Variants in KCNQ2 observed in about 807,000 individuals in gnomAD.
The protein encoded by KCNQ2 is potassium voltage-gated channel subfamily Q member 2.
Under a neutral mutation model 84.8 loss-of-function variants are expected in KCNQ2, and 14 were observed. The ratio of observed to expected loss-of-function variants is 0.17; its 90% CI spans 0.11 to 0.26. The LOEUF (loss-of-function observed/expected upper bound fraction) is 0.26. Among genes scored for constraint, KCNQ2 ranks in the 10% least tolerant of loss-of-function variants. The pLI is 1.00. For missense variants in KCNQ2, 788 were observed against 1,254.0 expected, an observed-to-expected ratio of 0.63 and a Z score of 5.61; for synonymous variants, 599 against 554.1, an observed-to-expected ratio of 1.08 and a Z score of -1.14.
rs1333974630 is a variant in KCNQ2, at chr20:63,431,943, C to G, written c.1119-574G>C. 7.0e-4 allele frequency among the ~76,000 whole-genome samples: 106 copies of G among 150,744 alleles called. 1 individual carries two copies. The highest frequency in any genetic ancestry group is 2.5e-3 in the African/African-American group (104 of 41,002). On this transcript the variant is annotated intron_variant, in intron 8 of 16. Transcript: ENST00000359125. ...CCCCACCCTCAGGGAAGGCTCCACC[C>G]TCAGGGTAGGATCCACCCACAGGGA... is the stretch of plus-strand genomic sequence containing the variant.
rs765856560 is a variant in KCNQ2 at position 63,446,405 on chromosome 20, G to A, written c.387+342C>T. Among the ~76,000 whole-genome samples, 12 of 152,204 alleles carry A rather than the reference G, an allele frequency of 7.9e-5. No homozygotes were observed. The highest frequency in any genetic ancestry group is 1.2e-4 in the Non-Finnish European group (8 of 68,024). On this transcript the variant is annotated intron_variant, in intron 2 of 16. Transcript: ENST00000359125. The surrounding 1 kb of genome is among the most constrained non-coding windows in gnomAD (Gnocchi z 5.5). ...CCCCACCCCGACGCCCACGTCTGCC[G>A]TCTGCTGGGGACGCCCCACATCTCC...
chr20:63,424,873 T>G (rs1446853090), intron 10 of KCNQ2, among the ~76,000 whole-genome samples: 1 of 152,214 alleles, frequency 6.6e-6, no homozygotes, highest in Non-Finnish European at 1.5e-5. Context: ...CCCAGCGATC[T>G]CATTCGAACA....
intron 4 of KCNQ2, among the ~76,000 whole-genome samples, chr20:63,442,876 T>G (rs199772505): frequency 2.8e-4 from 1 of 3,626 alleles, no homozygotes; most frequent in Non-Finnish European, 5.1e-4. Context: ...CCATCACCAT[T>G]ATCACCACCA....
chr20:63,444,563 T>C, intron 4 of KCNQ2, 96 bp downstream of exon 4: 1 of 1,091,354 alleles, frequency 9.2e-7, no homozygotes, highest in Non-Finnish European at 1.2e-6. Context: ...CACCCAGGGC[T>C]CTTGAAGCAA....
In KCNQ2 at chr20:63,409,768, T is replaced by G. The variant is rs933082443; in HGVS notation, c.1764-1232A>C. On this transcript the variant is annotated intron_variant, in intron 15 of 16. Coordinates refer to ENST00000359125, the MANE Select transcript of KCNQ2 (RefSeq NM_172107.4). ...TGGTGGGGGAGGGACTTCCTGCCAC[T>G]GGGCTGCCCTACCTGCCTCTGATGG... Among the ~76,000 whole-genome samples, 434 of 144,494 alleles carry G rather than the reference T, an allele frequency of 3.0e-3. 3 individuals are homozygous for G. Among genetic ancestry groups the G allele is most frequent in the South Asian group, 7.4e-3 (32 of 4,332 alleles). The allele number at this position is 144,494 out of a possible 152,430, so 94.8% of individuals were successfully genotyped here. A position where few individuals can be genotyped will look rare whatever the true frequency, so the allele number is the denominator to read the frequency against.
chr20:63,416,031 GC>G (rs2080285953), intron 12 of KCNQ2, among the ~76,000 whole-genome samples: 1 of 152,182 alleles, frequency 6.6e-6, no homozygotes, highest in Admixed American at 6.5e-5. Flanking sequence ...GAGGGCTCAG[GC>G]CTCCCCTGTC....
rs1600789325 is a variant in KCNQ2 at position 63,445,358 on chromosome 20, C to T, written c.394G>A (p.Val132Met). The T allele has an allele frequency of 6.2e-7, 1 of 1,613,648 alleles. No homozygotes were observed. The highest frequency in any genetic ancestry group is 8.5e-7 in the Non-Finnish European group (1 of 1,179,882). The change falls in exon 3 of 17, where the codon GTG becomes ATG. Residue 132 changes from valine to methionine, a missense_variant. By Grantham distance (21) the Val-to-Met change is conservative. This residue lies in a region of KCNQ2 where 106 missense variants were observed against 214.8 expected (regional missense o/e 0.49). Coordinates refer to ENST00000359125, the MANE Select transcript of KCNQ2 (RefSeq NM_172107.4). ...SEGALYILEI[V>M]TIVVFGVEYF... ...TCCACGCCAAACACCACGATAGTCACGATTTCCTGCAGGGGAGGAAAGCTG... is the reference window on the plus strand; with the variant it reads ...TCCACGCCAAACACCACGATAGTCATGATTTCCTGCAGGGGAGGAAAGCTG...
chr20:63,442,845 T>TCCACCACCAC (rs2081236344), intron 4 of KCNQ2, among the ~76,000 whole-genome samples: 1 of 25,724 alleles, frequency 3.9e-5, no homozygotes, highest in Admixed American at 4.1e-4. Flanking sequence ...ACCACCACCA[T>TCCACCACCAC]CACCATCACC....
chr20:63,445,294 C>T lies in KCNQ2; in HGVS notation c.458G>A (p.Arg153Gln). The T allele has an allele frequency of 6.2e-7, 1 of 1,613,808 alleles. No homozygotes were observed. The highest frequency in any genetic ancestry group is 2.2e-5 in the East Asian group (1 of 44,880). Residue 153 changes from arginine to glutamine, a missense_variant, in exon 3 of 17, where the codon CGG becomes CAG. Arg to Gln is a conservative substitution (Grantham distance 43). Coordinates refer to ENST00000359125, the MANE Select transcript of KCNQ2 (RefSeq NM_172107.4). ...GAGCCGCCCCCTCCAGCCACGGTACCGGCAGCAGCAGCCTGCGGCCCAGAT... is the reference window on the plus strand; with the variant it reads ...GAGCCGCCCCCTCCAGCCACGGTACTGGCAGCAGCAGCCTGCGGCCCAGAT... Reference protein sequence around the residue: ...VRIWAAGCCCRYRGWRGRLKF... With the variant: ...VRIWAAGCCCQYRGWRGRLKF...
At chr20:63,437,545 A>G (rs1462348506) in intron 7 of KCNQ2, 1 of 152,250 alleles carries the variant, frequency 6.6e-6, no homozygotes, top group Non-Finnish European at 1.5e-5. Context: ...CCACGTCTCC[A>G]GTCTCCGCCT....
At chr20:63,421,254 AGC>A (rs2080462267) in intron 11 of KCNQ2, among the ~76,000 whole-genome samples, 1 of 152,176 alleles carries the variant, frequency 6.6e-6, no homozygotes, top group African/African-American at 2.4e-5. Flanking sequence ...GCCACACTGA[AGC>A]TCCGGCTGTC....
chr20:63,434,185 TGTG>T (rs2080918957), intron 7 of KCNQ2: 1 of 502,012 alleles, frequency 2.0e-6, no homozygotes, highest in Non-Finnish European at 3.5e-6. Flanking sequence ...GCAGGGAGGC[TGTG>T]TTCTTTCCTT....
At position 63,404,304 on chromosome 20, in the gene KCNQ2, G is replaced by C. The variant is rs993974021; in HGVS notation, c.*2340C>G. ...CTGGGAGGGAGGAAAGAGCAGGTGG[G>C]GTCACACCTCGGCAGGGGAGGAAAG... On this transcript the variant is annotated 3_prime_UTR_variant, in exon 17 of 17. Coordinates refer to ENST00000359125, the MANE Select transcript of KCNQ2 (RefSeq NM_172107.4). 1 of 151,782 alleles carries C rather than the reference G, an allele frequency of 6.6e-6. No homozygotes were observed. The highest frequency in any genetic ancestry group is 1.5e-5 in the Non-Finnish European group (1 of 68,080). 9.4% of individuals were successfully genotyped at this position (151,782 alleles called of 1,614,324 possible). A position where few individuals can be genotyped will look rare whatever the true frequency, so the allele number is the denominator to read the frequency against.
In KCNQ2 at chr20:63,462,230, C is replaced by T. The variant is rs534236523; in HGVS notation, c.296+9938G>A. Among the ~76,000 whole-genome samples the T allele has an allele frequency of 7.8e-4, 112 of 144,384 alleles. No homozygotes were observed. In the South Asian group the frequency reaches 0.022, roughly 28 times the overall value. The allele number at this position is 144,384 out of a possible 152,430, so 94.7% of individuals were successfully genotyped here. ...GAGCAGGGAGGAGGCTGCATCTACC[C>T]CAGGCAGCAGGGAGGAGGCAGCACC... On this transcript the variant is annotated intron_variant, in intron 1 of 16. Transcript: ENST00000359125.
At chr20:63,418,070 A>T (rs1238871765) in intron 12 of KCNQ2, among the ~76,000 whole-genome samples, 3 of 151,372 alleles carry the variant, frequency 2.0e-5, no homozygotes, top group Non-Finnish European at 4.4e-5. Flanking sequence ...CATGACCCAA[A>T]CTCTGCACCC....
chr20:63,427,588 T>C (rs1374063675), intron 10 of KCNQ2, among the ~76,000 whole-genome samples: 1 of 152,256 alleles, frequency 6.6e-6, no homozygotes, highest in Non-Finnish European at 1.5e-5. Context: ...TTTCTGCCTC[T>C]TCCAGCTTCT....
At chr20:63,452,998 G>A (rs983284518) in intron 1 of KCNQ2, among the ~76,000 whole-genome samples, 5 of 152,208 alleles carry the variant, frequency 3.3e-5, no homozygotes, top group African/African-American at 9.7e-5. Flanking sequence ...AGCTCAAAGC[G>A]CAGCACCGCG....
At chr20:63,443,033 C>A (rs1256402647) in intron 4 of KCNQ2, among the ~76,000 whole-genome samples, 327 of 32,456 alleles carry the variant, frequency 0.01, no homozygotes, top group East Asian at 0.014. Context: ...CATCACATCA[C>A]CACCACCATC....
In KCNQ2 at chr20:63,405,175, C is replaced by G. The variant is rs1357972064; in HGVS notation, c.*1469G>C. The G allele has an allele frequency of 6.6e-6, 1 of 152,332 alleles. No homozygotes were observed. The highest frequency in any genetic ancestry group is 1.5e-5 in the Non-Finnish European group (1 of 68,152). The allele number at this position is 152,332 out of a possible 1,614,324, so 9.4% of individuals were successfully genotyped here. ...AAAACGCAGGTGGAGGAGAAACGGG[C>G]CCAGGACTCCCCTGCACTTGCTCTG... On this transcript the variant is annotated 3_prime_UTR_variant, in exon 17 of 17. Coordinates refer to ENST00000359125, the MANE Select transcript of KCNQ2 (RefSeq NM_172107.4).
Sources: allele counts gnomAD v4.1 joint callset (sites outside exome capture counted in the v4.1 genomes callset), GRCh38; gene constraint gnomAD v4.1.1; regional missense constraint gnomAD v4.1.1; non-coding constraint Gnocchi (gnomAD v3.1); transcripts MANE v1.5; gene names NCBI Gene and HGNC (gene_info 2026-07-23, HGNC 2026-07-21).